Variants in TMEM132D observed in about 807,000 individuals in gnomAD.
TMEM132D encodes the protein mature OL transmembrane protein.
Under a neutral mutation model 62.3 loss-of-function variants are expected in TMEM132D, and 21 were observed. That is an observed-to-expected ratio of 0.34 (90% CI 0.24 to 0.49). TMEM132D has a LOEUF of 0.49. Among genes scored for constraint, TMEM132D ranks in the 20% least tolerant of loss-of-function variants. TMEM132D has a pLI of 0.99. For synonymous variants in TMEM132D, 621 were observed against 575.6 expected, an observed-to-expected ratio of 1.08 and a Z score of -1.13; for missense variants, 1,346 against 1,402.8, an observed-to-expected ratio of 0.96 and a Z score of 0.65.
chr12:129,165,706 A>G (rs1484526284), intron 5 of TMEM132D, among the ~76,000 whole-genome samples: 2 of 151,780 alleles, frequency 1.3e-5, no homozygotes, highest in Admixed American at 1.3e-4. Context: ...TACAAAAGAG[A>G]TACTCTGCCA....
At chr12:129,774,989 T>C (rs61943384) in intron 1 of TMEM132D, among the ~76,000 whole-genome samples, 8,830 of 149,978 alleles carry the variant, frequency 0.059, 376 homozygotes, top group South Asian at 0.098. Context: ...CACAGAACCA[T>C]GTCAGGCCTT....
At chr12:129,207,160 G>C (rs1349196032) in intron 5 of TMEM132D, among the ~76,000 whole-genome samples, 3 of 152,050 alleles carry the variant, frequency 2.0e-5, no homozygotes, top group Admixed American at 6.6e-5. Context: ...CCCCACTACT[G>C]TTGTGATAAG....
chr12:129,658,137 A>G (rs900522637), intron 2 of TMEM132D, among the ~76,000 whole-genome samples: 5 of 152,210 alleles, frequency 3.3e-5, no homozygotes, highest in Non-Finnish European at 5.9e-5. Context: ...GGACCTGCTC[A>G]TGGAGAAAGT....
intron 1 of TMEM132D, among the ~76,000 whole-genome samples, chr12:129,775,329 AC>A (rs1442866250): frequency 6.6e-6 from 1 of 152,100 alleles, no homozygotes; most frequent in African/African-American, 2.4e-5. Flanking sequence ...GCGGAATGCC[AC>A]CCCAGCTGCA....
intron 4 of TMEM132D, among the ~76,000 whole-genome samples, chr12:129,324,827 C>CAAGAAAAA (rs899843241): frequency 6.7e-6 from 1 of 149,656 alleles, no homozygotes; most frequent in Non-Finnish European, 1.5e-5. Flanking sequence ...GACTCCATCT[C>CAAGAAAAA]AAGAAAAAAA....
chr12:129,468,511 C>A (rs1463731691), intron 3 of TMEM132D, among the ~76,000 whole-genome samples: 1 of 152,232 alleles, frequency 6.6e-6, no homozygotes, highest in Non-Finnish European at 1.5e-5. Flanking sequence ...GTTGCCTACA[C>A]CTCCAGCCTC....
chr12:129,768,157 T>C (rs1160824677), intron 1 of TMEM132D, among the ~76,000 whole-genome samples: 1 of 152,162 alleles, frequency 6.6e-6, no homozygotes, highest in African/African-American at 2.4e-5. Context: ...ACCATATCAG[T>C]GAGTAATACT....
chr12:129,633,429 C>T lies in TMEM132D; in HGVS notation c.968+66381G>A, dbSNP rs182924019. 1.5e-3 allele frequency among the ~76,000 whole-genome samples: 221 copies of T among 152,300 alleles called. 6 individuals carry two copies. The highest frequency in any genetic ancestry group is 1.8e-4 in the Non-Finnish European group (12 of 68,020). ...CCCATTACAGCTTTCTTATATGTCA[C>T]CTGAGAATGAATAGGCACATAAGTA... On this transcript the variant is annotated intron_variant, in intron 2 of 8. Transcript: ENST00000422113.
chr12:129,182,552 C>T (rs1360578522), intron 5 of TMEM132D, among the ~76,000 whole-genome samples: 4 of 152,170 alleles, frequency 2.6e-5, no homozygotes, highest in Admixed American at 6.5e-5. Context: ...CTGGCAAAGT[C>T]GCCTCTTCCT....
chr12:129,466,777 T>C (rs1873921267), intron 3 of TMEM132D, among the ~76,000 whole-genome samples: 1 of 152,208 alleles, frequency 6.6e-6, no homozygotes, highest in Admixed American at 6.5e-5. Context: ...ATTATTTCCT[T>C]AGGCTTGAAT....
intron 3 of TMEM132D, among the ~76,000 whole-genome samples, chr12:129,425,071 C>A (rs1463319112): frequency 6.6e-6 from 1 of 152,150 alleles, no homozygotes; most frequent in Non-Finnish European, 1.5e-5. Context: ...TTTGAGGTCA[C>A]CCATGTCAAA....
At chr12:129,658,408 T>C (rs1447562361) in intron 2 of TMEM132D, among the ~76,000 whole-genome samples, 1 of 152,236 alleles carries the variant, frequency 6.6e-6, no homozygotes, top group African/African-American at 2.4e-5. Context: ...TTAATTCTAT[T>C]CCTGTAAACT....
chr12:129,515,764 A>T (rs1328561668), intron 3 of TMEM132D, among the ~76,000 whole-genome samples: 1 of 152,166 alleles, frequency 6.6e-6, no homozygotes, highest in African/African-American at 2.4e-5. Context: ...CCAACGGACC[A>T]TATCCCCTTC....
In TMEM132D at chr12:129,174,625, CTG is replaced by C. The variant is rs537030786; in HGVS notation, c.1443+34893_1443+34894del. Among the ~76,000 whole-genome samples the C allele has an allele frequency of 4.3e-3, 659 of 152,300 alleles. 1 individual carries two copies. Among genetic ancestry groups the C allele is most frequent in the Non-Finnish European group, 6.9e-3 (470 of 68,038 alleles). On this transcript the variant is annotated intron_variant, in intron 5 of 8. Transcript: ENST00000422113. ...GAGATTGCTGGGTCAAATGGCATCT[CTG>C]CTTCTAGATCCTTGAGGAATTGCCA...
chr12:129,569,285 A>T (rs1877449113), intron 2 of TMEM132D, among the ~76,000 whole-genome samples: 1 of 152,210 alleles, frequency 6.6e-6, no homozygotes, highest in Non-Finnish European at 1.5e-5. Flanking sequence ...AAAGATGCTC[A>T]GGGCAACCAG....
intron 3 of TMEM132D, among the ~76,000 whole-genome samples, chr12:129,488,179 C>CA (rs1443818499): frequency 1.3e-5 from 2 of 152,090 alleles, no homozygotes; most frequent in Admixed American, 1.3e-4. Flanking sequence ...AAATAAGTTG[C>CA]TGTTCTTTAT....
chr12:129,098,338 A>T (rs1345343328), intron 5 of TMEM132D, among the ~76,000 whole-genome samples: 1 of 152,216 alleles, frequency 6.6e-6, no homozygotes, highest in Non-Finnish European at 1.5e-5. Context: ...TGCTGGAACA[A>T]CTGGGCACCA....
chr12:129,784,091 G>A (rs1319499524), intron 1 of TMEM132D, among the ~76,000 whole-genome samples: 1 of 152,152 alleles, frequency 6.6e-6, no homozygotes, highest in Non-Finnish European at 1.5e-5. Context: ...CAAGTTTAGG[G>A]TGACATTAAC....
At chr12:129,662,671 T>C (rs968968984) in intron 2 of TMEM132D, among the ~76,000 whole-genome samples, 1 of 151,638 alleles carries the variant, frequency 6.6e-6, no homozygotes, top group Non-Finnish European at 1.5e-5. Context: ...CACACGCCTG[T>C]AGTCCCAGCT....
Sources: allele counts gnomAD v4.1 joint callset (sites outside exome capture counted in the v4.1 genomes callset), GRCh38; gene constraint gnomAD v4.1.1; transcripts MANE v1.5; gene names NCBI Gene and HGNC (gene_info 2026-07-23, HGNC 2026-07-21).